Variants in PRDM16 observed in about 807,000 individuals in gnomAD.
PRDM16 encodes the protein PR/SET domain 16.
In PRDM16, 23 loss-of-function variants were observed where a neutral mutation model predicts 110.6. The observed-to-expected ratio is 0.21, with a 90% CI of 0.15 to 0.29. The LOEUF is 0.29. Among genes scored for constraint, PRDM16 ranks in the 10% least tolerant of loss-of-function variants. PRDM16 has a pLI of 1.00. For synonymous variants in PRDM16, 799 were observed against 781.8 expected, an observed-to-expected ratio of 1.02 and a Z score of -0.37; for missense variants, 1,615 against 1,794.3, an observed-to-expected ratio of 0.90 and a Z score of 1.81.
chr1:3,111,882 C>T (rs768889688), intron 1 of PRDM16, among the ~76,000 whole-genome samples: 1 of 152,234 alleles, frequency 6.6e-6, no homozygotes, highest in Non-Finnish European at 1.5e-5. Context: ...AAAGGTGGGC[C>T]GCCTCTGCGC....
At chr1:3,260,821 T>C (rs1353817457) in intron 3 of PRDM16, among the ~76,000 whole-genome samples, 2 of 145,930 alleles carry the variant, frequency 1.4e-5, no homozygotes, top group Non-Finnish European at 3.0e-5. Context: ...CCATTGATGA[T>C]GACGATGATG....
intron 2 of PRDM16, among the ~76,000 whole-genome samples, chr1:3,233,314 G>C (rs1487642866): frequency 6.6e-6 from 1 of 152,184 alleles, no homozygotes; most frequent in Non-Finnish European, 1.5e-5. Flanking sequence ...AGTGGACCTG[G>C]GAGGGCACAT....
At chr1:3,147,278 G>A (rs1643691942) in intron 1 of PRDM16, among the ~76,000 whole-genome samples, 1 of 152,012 alleles carries the variant, frequency 6.6e-6, no homozygotes, top group Admixed American at 6.5e-5. Flanking sequence ...ATCAGTGCTG[G>A]ATAATTCTGG....
At chr1:3,181,186 A>G (rs868238260) in intron 1 of PRDM16, among the ~76,000 whole-genome samples, 1,712 of 145,398 alleles carry the variant, frequency 0.012, 29 homozygotes, top group African/African-American at 0.042. Flanking sequence ...TTACACACGC[A>G]GTCTTACGGT....
At chr1:3,169,716 T>C (rs940267283) in intron 1 of PRDM16, among the ~76,000 whole-genome samples, 9 of 152,106 alleles carry the variant, frequency 5.9e-5, no homozygotes, top group Non-Finnish European at 1.2e-4. Flanking sequence ...ACTTCCACCG[T>C]CTCTGGCTCC....
intron 3 of PRDM16, among the ~76,000 whole-genome samples, chr1:3,248,050 G>A (rs1453116641): frequency 6.6e-6 from 1 of 152,228 alleles, no homozygotes. Context: ...GAGGCTTTGG[G>A]GACGAATCAA....
rs566588425 is a variant in PRDM16, at chr1:3,353,210, C to T, written c.439-31942C>T. 1.1e-4 allele frequency among the ~76,000 whole-genome samples: 17 copies of T among 152,354 alleles called. No homozygotes were observed. Among genetic ancestry groups the T allele is most frequent in the African/African-American group, 3.8e-4 (16 of 41,586 alleles). On this transcript the variant is annotated intron_variant, in intron 3 of 16. Coordinates refer to ENST00000270722, the MANE Select transcript of PRDM16 (RefSeq NM_022114.4). The surrounding 1 kb of genome is among the most constrained non-coding windows in gnomAD (Gnocchi z 5.4). ...ATGCCCTCCTGTAGTAAAAGTTAAC[C>T]GGGTGTGAAATGCATGTTGCCTGAG...
intron 3 of PRDM16, among the ~76,000 whole-genome samples, chr1:3,372,080 TGA>T (rs1466007758): frequency 6.6e-6 from 1 of 152,206 alleles, no homozygotes; most frequent in Non-Finnish European, 1.5e-5. Flanking sequence ...CCTGCACATT[TGA>T]GAGGGCCTGA....
At chr1:3,178,660 A>G (rs1644117807) in intron 1 of PRDM16, among the ~76,000 whole-genome samples, 1 of 152,144 alleles carries the variant, frequency 6.6e-6, no homozygotes, top group African/African-American at 2.4e-5. Flanking sequence ...TTCCCCCAGG[A>G]TGCACCCTTG....
chr1:3,233,855 T>G (rs924362483), intron 2 of PRDM16, among the ~76,000 whole-genome samples: 5 of 151,236 alleles, frequency 3.3e-5, no homozygotes, highest in East Asian at 3.9e-4. Context: ...GCTTTTTATA[T>G]GCCAATCATA....
intron 3 of PRDM16, among the ~76,000 whole-genome samples, chr1:3,268,096 G>A (rs919896553): frequency 3.3e-5 from 5 of 152,182 alleles, no homozygotes; most frequent in South Asian, 2.1e-4. Context: ...CAGGGTGCCC[G>A]TTTGCACACA....
chr1:3,355,065 C>G lies in PRDM16; in HGVS notation c.439-30087C>G, dbSNP rs142405652. On this transcript the variant is annotated intron_variant, in intron 3 of 16. Transcript: ENST00000270722. ...CCGGGACAAAGCCAGGACTGCTGCC[C>G]TGAGACCAGGCCTCCCGCACCGATA... 5.3e-3 allele frequency among the ~76,000 whole-genome samples: 806 copies of G among 152,256 alleles called. 7 individuals carry two copies. The highest frequency in any genetic ancestry group is 0.019 in the African/African-American group (788 of 41,568).
intron 3 of PRDM16, among the ~76,000 whole-genome samples, chr1:3,323,356 G>T (rs892828357): frequency 4.6e-5 from 7 of 152,248 alleles, no homozygotes; most frequent in Admixed American, 2.0e-4. Flanking sequence ...GCACCACGTG[G>T]GGCGGGCGGC....
At chr1:3,149,676 A>G (rs1227546784) in intron 1 of PRDM16, among the ~76,000 whole-genome samples, 1 of 152,250 alleles carries the variant, frequency 6.6e-6, no homozygotes, top group Non-Finnish European at 1.5e-5. Flanking sequence ...CAGTTAGGGA[A>G]TGCCCTTTTA....
chr1:3,312,556 C>T (rs1033439468), intron 3 of PRDM16, among the ~76,000 whole-genome samples: 3 of 152,196 alleles, frequency 2.0e-5, no homozygotes, highest in Non-Finnish European at 4.4e-5. Flanking sequence ...CATCCGGATC[C>T]GGGGCCGGCA....
Position 3,081,236 on chromosome 1 carries a change from G to T in PRDM16, c.37+11940G>T, listed in dbSNP as rs1025995177. Among the ~76,000 whole-genome samples the T allele has an allele frequency of 6.6e-6, 1 of 152,226 alleles. No homozygotes were observed. Among genetic ancestry groups the T allele is most frequent in the South Asian group, 2.1e-4 (1 of 4,832 alleles). The stretch of plus-strand genomic sequence containing the variant: ...CTGCTAATTACGGCGGCGGGACTTG[G>T]GTTCGAGGCCCCTCGCGGCTGTACC... On this transcript the variant is annotated intron_variant, in intron 1 of 16. Coordinates refer to ENST00000270722, the MANE Select transcript of PRDM16 (RefSeq NM_022114.4). This position sits in a 1 kb window ranked among gnomAD's most constrained non-coding sequence, Gnocchi z 4.6.
At chr1:3,408,795 C>CGT (rs35154920) in intron 8 of PRDM16, among the ~76,000 whole-genome samples, 53,516 of 132,900 alleles carry the variant, frequency 0.4, 10,532 homozygotes, top group Middle Eastern at 0.57. Context: ...TGAGCCGGTG[C>CGT]GTGTGTGTGA....
In PRDM16 at chr1:3,332,850, C is replaced by T. The variant is rs1642073011; in HGVS notation, c.439-52302C>T. Among the ~76,000 whole-genome samples the T allele has an allele frequency of 2.0e-5, 3 of 152,160 alleles. No individual in the cohort carries two copies. In the South Asian group the frequency reaches 6.2e-4, roughly 32 times the overall value. Reference sequence around the variant, plus strand: ...GTTCGGCCTCTGGATTTGTCCTCTCCATGGAATTCTATGATCTGTGTCCTT... The same window carrying T: ...GTTCGGCCTCTGGATTTGTCCTCTCTATGGAATTCTATGATCTGTGTCCTT... On this transcript the variant is annotated intron_variant, in intron 3 of 16. Coordinates refer to ENST00000270722, the MANE Select transcript of PRDM16 (RefSeq NM_022114.4).
chr1:3,215,823 C>A (rs1166891851), intron 2 of PRDM16, among the ~76,000 whole-genome samples: 2 of 152,152 alleles, frequency 1.3e-5, no homozygotes, highest in Admixed American at 1.3e-4. Context: ...AATGTCAAGG[C>A]GCGGCGTCGG....
Sources: allele counts gnomAD v4.1 joint callset (sites outside exome capture counted in the v4.1 genomes callset), GRCh38; gene constraint gnomAD v4.1.1; non-coding constraint Gnocchi (gnomAD v3.1); transcripts MANE v1.5; gene names NCBI Gene and HGNC (gene_info 2026-07-23, HGNC 2026-07-21).